Variants in ACAT2 observed in about 807,000 individuals in gnomAD.
ACAT2 encodes acetyl-CoA acetyltransferase, cytosolic.
ACAT2 carries 26 observed loss-of-function variants against 37.1 expected under a neutral mutation model. That is an observed-to-expected ratio of 0.70 (90% confidence interval 0.51 to 0.97). The LOEUF is 0.97. Among genes scored for constraint, ACAT2 ranks in the 50% least tolerant of loss-of-function variants. The probability of loss-of-function intolerance (pLI) is 0.00; values close to 1 mark genes in which losing one functional copy is unlikely to be tolerated. For synonymous variants in ACAT2, 156 were observed against 163.6 expected (o/e 0.95, Z 0.35); for missense variants, 468 against 489.0 (o/e 0.96, Z 0.40).
rs1300629581 is a variant in ACAT2, at chr6:159,778,997, T to G, written c.*168T>G. On this transcript the variant is annotated 3_prime_UTR_variant, in exon 9 of 9. Transcript: ENST00000367048. ...TTAATGTGTAATACTCAACTCAAGG[T>G]ACAAGACAATTGCATTTAACATTGT... is the stretch of plus-strand genomic sequence containing the variant. 1.3e-6 allele frequency: 2 copies of G among 1,590,292 alleles called. No individual in the cohort carries two copies. Among genetic ancestry groups the G allele is most frequent in the East Asian group, 4.5e-5 (2 of 44,662 alleles).
chr6:159,776,303 T>C (rs1446667457), intron 6 of ACAT2, 31 bp downstream of exon 6: 4 of 1,610,014 alleles, frequency 2.5e-6, no homozygotes, highest in Middle Eastern at 1.7e-4. Flanking sequence ...TCTGGGGGAA[T>C]ACTATGTTCT....
At chr6:159,771,021 C>T (rs981315017) in intron 4 of ACAT2, among the ~76,000 whole-genome samples, 2 of 152,038 alleles carry the variant, frequency 1.3e-5, no homozygotes, top group Non-Finnish European at 2.9e-5. Context: ...GCTGAGATCA[C>T]ACCATTGCGC....
Position 159,776,198 on chromosome 6 carries a change from T to G in ACAT2, c.683T>G (p.Ile228Arg). Reference protein sequence around the residue: ...TDEFPRHGSNIEAMSKLKPYF... With the variant: ...TDEFPRHGSNREAMSKLKPYF... ...GAGTTTCCTCGCCATGGGAGCAACATAGAAGCCATGTCCAAGCTAAAGCCT... is the reference window on the plus strand; with the variant it reads ...GAGTTTCCTCGCCATGGGAGCAACAGAGAAGCCATGTCCAAGCTAAAGCCT... The change falls in exon 6 of 9, where the codon ATA (isoleucine) becomes AGA (arginine). Residue 228 changes from isoleucine to arginine, a missense_variant. Transcript: ENST00000367048. 2 of 1,614,144 alleles carry G rather than the reference T, an allele frequency of 1.2e-6. No homozygotes were observed. Among genetic ancestry groups the G allele is most frequent in the Non-Finnish European group, 8.5e-7 (1 of 1,179,998 alleles).
chr6:159,778,145 T>C, intron 7 of ACAT2, 25 bp from the exon 8 acceptor site: 4 of 1,534,014 alleles, frequency 2.6e-6, no homozygotes, highest in Non-Finnish European at 3.6e-6. Context: ...AGTTTAGACC[T>C]CTTTTCTATG....
intron 2 of ACAT2, among the ~76,000 whole-genome samples, chr6:159,764,553 TCCCAC>T (rs1780223911): frequency 6.6e-6 from 1 of 152,104 alleles, no homozygotes; most frequent in Middle Eastern, 3.2e-3. Flanking sequence ...CACGGTATCC[TCCCAC>T]CTCAGCCTCT....
chr6:159,762,863 G>C lies in ACAT2; in HGVS notation c.56-56G>C, dbSNP rs1780175315. On this transcript the variant is annotated intron_variant, in intron 1 of 8. Transcript: ENST00000367048. The stretch of plus-strand genomic sequence containing the variant: ...CATGAGGCTCCCCTGCTCGTAGGTG[G>C]TTCCCGTATTACCCGCAGGCTTGTG... The C allele has an allele frequency of 1.9e-6, 3 of 1,598,468 alleles. No individual in the cohort carries two copies. In the Admixed American group the frequency reaches 5.1e-5, roughly 27 times the overall value.
At chr6:159,775,378 A>G in intron 5 of ACAT2, 65 bp downstream of exon 5, 7 of 1,511,140 alleles carry the variant, frequency 4.6e-6, no homozygotes, top group Non-Finnish European at 6.3e-6. Context: ...CTAAAAGAGT[A>G]ATACATAGGA....
At chr6:159,762,897 G>C (rs981871602) in intron 1 of ACAT2, 22 bp from the exon 2 acceptor site, 1 of 1,606,052 alleles carries the variant, frequency 6.2e-7, no homozygotes, top group Non-Finnish European at 8.5e-7. Context: ...TGATGTCCAC[G>C]CTCTCCGCCT....
chr6:159,764,447 T>C (rs1780221932), intron 2 of ACAT2, among the ~76,000 whole-genome samples: 1 of 151,768 alleles, frequency 6.6e-6, no homozygotes, highest in Non-Finnish European at 1.5e-5. Context: ...TTATTATTAT[T>C]ATTATTTAAA....
chr6:159,778,449 A>AC, intron 8 of ACAT2, 169 bp downstream of exon 8: 1 of 638,856 alleles, frequency 1.6e-6, no homozygotes. Flanking sequence ...AAAAAAAAAA[A>AC]GACATTGGCT....
chr6:159,763,015 A>T lies in ACAT2; in HGVS notation c.152A>T (p.Asp51Val), dbSNP rs766625612. The T allele has an allele frequency of 6.2e-7, 1 of 1,614,122 alleles. No homozygotes were observed. The highest frequency in any genetic ancestry group is 8.5e-7 in the Non-Finnish European group (1 of 1,180,014). ...VLKRATVAPE[D>V]VSEVIFGHVL... ...AAGAGGGCCACTGTGGCTCCGGAAG[A>T]TGTGTCTGAGGTCATCTTTGGACAT... is the stretch of plus-strand genomic sequence containing the variant. The change falls in exon 2 of 9, where the codon GAT becomes GTT. Residue 51 changes from aspartate to valine, a missense_variant. Asp to Val is a radical substitution (Grantham distance 152). Transcript: ENST00000367048.
At position 159,778,850 on chromosome 6, in the gene ACAT2, CCTCAA is replaced by C; in HGVS notation, c.*22_*26del. ...AATGAATTGCTTAAACTTTGAACAACCTCAATTTCTTTTTAAACTAATAAAGTACT... is the reference window on the plus strand; with the variant it reads ...AATGAATTGCTTAAACTTTGAACAACTTTCTTTTTAAACTAATAAAGTACT... On this transcript the variant is annotated 3_prime_UTR_variant, in exon 9 of 9. Transcript: ENST00000367048. 6.2e-7 allele frequency: 1 copy of C among 1,613,598 alleles called. No individual in the cohort carries two copies. Among genetic ancestry groups the C allele is most frequent in the South Asian group, 1.1e-5 (1 of 91,050 alleles).
intron 7 of ACAT2, among the ~76,000 whole-genome samples, chr6:159,777,886 TTC>T (rs756863627): frequency 6.6e-5 from 10 of 152,318 alleles, no homozygotes; most frequent in East Asian, 3.9e-4. Context: ...GGGGAACTGA[TTC>T]TGTTACATTA....
chr6:159,765,673 G>A (rs927124467), intron 2 of ACAT2, among the ~76,000 whole-genome samples: 1 of 56,074 alleles, frequency 1.8e-5, no homozygotes, highest in Non-Finnish European at 4.0e-5. Context: ...CTCAAGTAAT[G>A]CGCCCCCCTC....
chr6:159,776,137 T>C lies in ACAT2; in HGVS notation c.635-13T>C, dbSNP rs1780409192. On this transcript the variant is annotated splice_polypyrimidine_tract_variant and intron_variant, in intron 5 of 8. Coordinates refer to ENST00000367048, the MANE Select transcript of ACAT2 (RefSeq NM_005891.3). ...CTGGACTAATCTTGAGTAATTGGTT[T>C]TCCTTTGCTTAGGTCTTATTGAAGT... 1 of 1,612,668 alleles carries C rather than the reference T, an allele frequency of 6.2e-7. No homozygotes were observed. The highest frequency in any genetic ancestry group is 1.3e-5 in the African/African-American group (1 of 74,944).
In ACAT2 at chr6:159,765,675, GCC is replaced by G. The variant is rs748923091; in HGVS notation, c.191-1325_191-1324del. ...TCAAACTCCTGACCTCAAGTAATGC[GCC>G]CCCCTCCCCCGGCCTCCCAAAGTGC... On this transcript the variant is annotated intron_variant, in intron 2 of 8. Coordinates refer to ENST00000367048, the MANE Select transcript of ACAT2 (RefSeq NM_005891.3). Among the ~76,000 whole-genome samples the G allele has an allele frequency of 4.5e-3, 253 of 55,662 alleles. 4 individuals carry two copies. The East Asian group carries it at 0.059, about 13-fold the overall frequency. 36.5% of individuals were successfully genotyped at this position (55,662 alleles called of 152,430 possible).
intron 1 of ACAT2, 151 bp downstream of exon 1, chr6:159,762,293 G>C (rs2273819): frequency 0.79 from 962,920 of 1,217,114 alleles, 382,860 homozygotes; most frequent in Admixed American, 0.85. Flanking sequence ...GAACCCTGCG[G>C]CTCCCGCGTT....
intron 4 of ACAT2, among the ~76,000 whole-genome samples, chr6:159,770,933 C>T (rs368130482): frequency 6.6e-6 from 1 of 152,128 alleles, no homozygotes; most frequent in African/African-American, 2.4e-5. Flanking sequence ...GATGTGGTGG[C>T]CCATGCCTGT....
intron 1 of ACAT2, chr6:159,762,466 G>T (rs1012771780): frequency 1.8e-4 from 233 of 1,331,198 alleles, no homozygotes; most frequent in Non-Finnish European, 2.2e-4. Context: ...GGCCGGCTCC[G>T]GGAGGCGCCA....
Sources: gnomAD v4.1 joint callset for allele counts (sites outside exome capture counted in the v4.1 genomes callset) on GRCh38, gnomAD v4.1.1 for gene constraint, MANE v1.5 for transcripts, NCBI Gene and HGNC (gene_info 2026-07-23, HGNC 2026-07-21) for gene names.